Variants in FAM81A observed in about 807,000 individuals in gnomAD.
The protein encoded by FAM81A is protein FAM81A.
A neutral mutation model predicts 46.7 loss-of-function variants in FAM81A; 19 were observed. The ratio of observed to expected loss-of-function variants is 0.41; its 90% CI spans 0.28 to 0.60. FAM81A has a LOEUF of 0.60. FAM81A is among the 20% of genes least tolerant of loss of function. The pLI, the probability that FAM81A is intolerant of heterozygous loss-of-function variation, is 0.34. For missense variants in FAM81A, 377 were observed against 453.5 expected, an observed-to-expected ratio of 0.83 and a Z score of 1.53; for synonymous variants, 183 against 152.9, an observed-to-expected ratio of 1.20 and a Z score of -1.45.
chr15:59,493,018 T>C (rs1268107881), intron 4 of FAM81A, among the ~76,000 whole-genome samples: 1 of 152,216 alleles, frequency 6.6e-6, no homozygotes, highest in African/African-American at 2.4e-5. Flanking sequence ...TATTTTTATC[T>C]GGCTGGGACA....
intron 4 of FAM81A, among the ~76,000 whole-genome samples, chr15:59,497,851 C>G (rs1259331107): frequency 6.6e-6 from 1 of 152,082 alleles, no homozygotes; most frequent in Non-Finnish European, 1.5e-5. Flanking sequence ...AACAAATAAG[C>G]CTTTATTTAA....
At chr15:59,483,111 C>G (rs2081874546) in intron 3 of FAM81A, among the ~76,000 whole-genome samples, 1 of 151,674 alleles carries the variant, frequency 6.6e-6, no homozygotes, top group Admixed American at 6.6e-5. Context: ...AATCTCGGTT[C>G]ACTGCAACCT....
chr15:59,428,908 G>A lies in FAM81A; in HGVS notation c.-78+26550G>A, dbSNP rs1320980486. On this transcript the variant is annotated intron_variant, in intron 2 of 4. Coordinates refer to the FAM81A transcript ENST00000558348. The stretch of plus-strand genomic sequence containing the variant: ...CGCCTCTGAAAGTGCTGGGATTACA[G>A]GCGTGAGCCACCACACCCTTCCCAT... Among the ~76,000 whole-genome samples, 4 of 152,198 alleles carry A rather than the reference G, an allele frequency of 2.6e-5. No homozygotes were observed. In the East Asian group the frequency reaches 7.7e-4, roughly 29 times the overall value.
In FAM81A at chr15:59,498,051, T is replaced by A. The variant is rs146261093; in HGVS notation, c.413+5662T>A. Among the ~76,000 whole-genome samples the A allele has an allele frequency of 1.4e-4, 22 of 152,184 alleles. No homozygotes were observed. The East Asian group carries it at 3.1e-3, about 21-fold the overall frequency. On this transcript the variant is annotated intron_variant, in intron 4 of 8. Coordinates refer to ENST00000288228, the MANE Select transcript of FAM81A (RefSeq NM_152450.3). ...TTTTTCATTTTTTGTAGAGACAGGG[T>A]CTCTCCCAGGCTGGTCTTGAATTCC...
At chr15:59,520,004 C>T (rs1427422879) in intron 8 of FAM81A, among the ~76,000 whole-genome samples, 2 of 152,108 alleles carry the variant, frequency 1.3e-5, no homozygotes, top group African/African-American at 2.4e-5. Context: ...TTGTCCAACC[C>T]ACATCCCGCA....
chr15:59,429,902 A>T (rs1448279921), intron 2 of FAM81A, among the ~76,000 whole-genome samples: 1 of 152,222 alleles, frequency 6.6e-6, no homozygotes. Flanking sequence ...TGATGCTGAG[A>T]ACAGGGCAGG....
intron 3 of FAM81A, among the ~76,000 whole-genome samples, chr15:59,482,365 TCCA>T (rs2081863681): frequency 6.6e-6 from 1 of 152,304 alleles, no homozygotes; most frequent in East Asian, 1.9e-4. Context: ...ACTACCTGGG[TCCA>T]AGCAATTCTC....
chr15:59,398,540 C>T (rs1229468015), intron 1 of FAM81A, among the ~76,000 whole-genome samples: 1 of 151,848 alleles, frequency 6.6e-6, no homozygotes, highest in Non-Finnish European at 1.5e-5. Flanking sequence ...AGGTGGATCA[C>T]TTGAGGCTAC....
Position 59,460,054 on chromosome 15 carries a change from G to A in FAM81A, c.142G>A (p.Val48Ile), listed in dbSNP as rs765763380. Residue 48 changes from valine to isoleucine, a missense_variant, in exon 3 of 9, where the codon GTA (valine) becomes ATA (isoleucine). Val to Ile is a conservative substitution (Grantham distance 29). Transcript: ENST00000288228. The surrounding 1 kb of genome is among the most constrained non-coding windows in gnomAD (Gnocchi z 4.4). ...LCHEKTTAAL[V>I]EHAFRIKDDI... ...CCATGAGAAAACCACCGCCGCCCTC[G>A]TAGAGCACGCCTTTCGGATTAAAGA... 4.6e-5 allele frequency: 75 copies of A among 1,613,784 alleles called. No homozygotes were observed. Among genetic ancestry groups the A allele is most frequent in the Non-Finnish European group, 5.8e-5 (69 of 1,179,886 alleles).
intron 4 of FAM81A, among the ~76,000 whole-genome samples, chr15:59,498,735 C>A (rs950081512): frequency 6.6e-6 from 1 of 152,176 alleles, no homozygotes; most frequent in Admixed American, 6.5e-5. Flanking sequence ...CTCACTGCCC[C>A]CTCCGCCCCT....
At chr15:59,421,749 AT>A (rs2081173372) in intron 2 of FAM81A, among the ~76,000 whole-genome samples, 5 of 147,634 alleles carry the variant, frequency 3.4e-5, no homozygotes, top group African/African-American at 1.3e-4. Flanking sequence ...CTATCTGTCT[AT>A]CTATCTATCT....
Position 59,460,333 on chromosome 15 carries a change from T to G in FAM81A, c.294+127T>G. The stretch of plus-strand genomic sequence containing the variant: ...ATTTAGAACAAAGCTGTCTGTCTTG[T>G]CTATTCTTAATGATCGCCAAGGAGA... On this transcript the variant is annotated intron_variant, in intron 3 of 8. Transcript: ENST00000288228. The surrounding 1 kb of genome is among the most constrained non-coding windows in gnomAD (Gnocchi z 4.4). 7.8e-7 allele frequency: 1 copy of G among 1,277,554 alleles called. No homozygotes were observed. The highest frequency in any genetic ancestry group is 1.1e-6 in the Non-Finnish European group (1 of 881,370). 79.1% of individuals were successfully genotyped at this position (1,277,554 alleles called of 1,614,324 possible). A position where few individuals can be genotyped will look rare whatever the true frequency, so the allele number is the denominator to read the frequency against.
At chr15:59,499,892 G>A (rs1399260073) in intron 4 of FAM81A, among the ~76,000 whole-genome samples, 6 of 141,180 alleles carry the variant, frequency 4.2e-5, no homozygotes, top group African/African-American at 1.3e-4. Flanking sequence ...ATACCCTGTC[G>A]CCCAGGCTGA....
At chr15:59,407,430 GACTACA>G in intron 2 of FAM81A, among the ~76,000 whole-genome samples, 1 of 151,840 alleles carries the variant, frequency 6.6e-6, no homozygotes, top group Admixed American at 6.6e-5. Context: ...CAGTATCTGG[GACTACA>G]GGCACCCGCC....
Position 59,514,330 on chromosome 15 carries a change from C to T in FAM81A, c.692C>T (p.Ser231Phe). 1 of 1,612,876 alleles carries T rather than the reference C, an allele frequency of 6.2e-7. No individual in the cohort carries two copies. The highest frequency in any genetic ancestry group is 1.1e-5 in the South Asian group (1 of 90,934). The change falls in exon 7 of 9, where the codon TCT (serine) becomes TTT (phenylalanine). Residue 231 changes from serine to phenylalanine, a missense_variant. Ser to Phe is a radical substitution (Grantham distance 155). Coordinates refer to ENST00000288228, the MANE Select transcript of FAM81A (RefSeq NM_152450.3). ...GAGGAACTCAGTAACCAGATATTATCTGCACGGAGTTGGTTGCAACAGGAA... is the reference window on the plus strand; with the variant it reads ...GAGGAACTCAGTAACCAGATATTATTTGCACGGAGTTGGTTGCAACAGGAA... ...TVEELSNQILSARSWLQQEQE... is the reference protein window; with the variant it reads ...TVEELSNQILFARSWLQQEQE...
At chr15:59,520,980 C>T (rs1398869623) in intron 8 of FAM81A, among the ~76,000 whole-genome samples, 1 of 152,184 alleles carries the variant, frequency 6.6e-6, no homozygotes, top group African/African-American at 2.4e-5. Context: ...GATGTTGTTT[C>T]TCCCAGTATG....
intron 3 of FAM81A, among the ~76,000 whole-genome samples, chr15:59,475,525 C>A (rs538158234): frequency 6.6e-6 from 1 of 152,314 alleles, no homozygotes; most frequent in South Asian, 2.1e-4. Flanking sequence ...GTTTTCCCAA[C>A]GTCCGAAACA....
chr15:59,496,356 C>T (rs150995104), intron 4 of FAM81A, among the ~76,000 whole-genome samples: 1,605 of 152,322 alleles, frequency 0.011, 22 homozygotes, highest in African/African-American at 0.033. Context: ...CCTGTAATCC[C>T]AGTGCATTGG....
intron 3 of FAM81A, among the ~76,000 whole-genome samples, chr15:59,471,014 C>A (rs779086308): frequency 1.3e-5 from 2 of 152,098 alleles, no homozygotes; most frequent in Non-Finnish European, 2.9e-5. Flanking sequence ...AAGGTTTTGC[C>A]ATGTTGCCCA....
Sources: gnomAD v4.1 joint callset for allele counts (sites outside exome capture counted in the v4.1 genomes callset) on GRCh38, gnomAD v4.1.1 for gene constraint, Gnocchi (gnomAD v3.1) non-coding constraint, MANE v1.5 for transcripts, NCBI Gene and HGNC (gene_info 2026-07-23, HGNC 2026-07-21) for gene names.